Variants in ART1 observed in about 807,000 individuals in gnomAD.
ART1 encodes ADP-ribosyltransferase 1, also known as GPI-linked NAD(P)(+)--arginine ADP-ribosyltransferase 1.
In ART1, 29 loss-of-function variants were observed where a neutral mutation model predicts 27.0. The ratio of observed to expected loss-of-function variants is 1.08; its 90% CI spans 0.80 to 1.47. The LOEUF (loss-of-function observed/expected upper bound fraction) is 1.47, where lower values mean the gene tolerates loss of function less well. ART1 is among the 40% of genes most tolerant of loss of function. The probability of loss-of-function intolerance (pLI) is 0.00; values close to 1 mark genes in which losing one functional copy is unlikely to be tolerated. For missense variants in ART1, 480 were observed against 423.0 expected, an observed-to-expected ratio of 1.13 and a Z score of -1.18; for synonymous variants, 201 against 172.2, an observed-to-expected ratio of 1.17 and a Z score of -1.31.
At position 3,659,668 on chromosome 11, in the gene ART1, A is replaced by G. The variant is rs1380594668; in HGVS notation, c.149A>G (p.Tyr50Cys). Residue 50 changes from tyrosine to cysteine, a missense_variant, in exon 3 of 5, where the codon TAC becomes TGC. Transcript: ENST00000250693. Reference sequence around the variant, plus strand: ...GCCCTGGCCTCCTTTGATGACCAGTACGCTGGCTGTGCTGCTGCCATGACA... The same window carrying G: ...GCCCTGGCCTCCTTTGATGACCAGTGCGCTGGCTGTGCTGCTGCCATGACA... ...DMALASFDDQ[Y>C]AGCAAAMTAA... 1 of 1,613,836 alleles carries G rather than the reference A, an allele frequency of 6.2e-7. No homozygotes were observed. Among genetic ancestry groups the G allele is most frequent in the East Asian group, 2.2e-5 (1 of 44,896 alleles).
intron 1 of ART1, among the ~76,000 whole-genome samples, chr11:3,648,360 G>C (rs2077487087): frequency 6.6e-6 from 1 of 152,130 alleles, no homozygotes; most frequent in South Asian, 2.1e-4. Flanking sequence ...TCAATCCCCT[G>C]TCCTCCTGCT....
At chr11:3,658,542 C>T (rs117590894) in intron 1 of ART1, among the ~76,000 whole-genome samples, 1 of 151,994 alleles carries the variant, frequency 6.6e-6, no homozygotes, top group South Asian at 2.1e-4. Context: ...TCCCCTCTTC[C>T]CCCAGCACCC....
intron 1 of ART1, among the ~76,000 whole-genome samples, chr11:3,652,201 C>T (rs2077528791): frequency 6.6e-6 from 1 of 151,018 alleles, no homozygotes; most frequent in East Asian, 1.9e-4. Context: ...TAAAATACCT[C>T]TTAGTCTAGG....
chr11:3,648,272 C>A (rs945559669), intron 1 of ART1, among the ~76,000 whole-genome samples: 1 of 152,230 alleles, frequency 6.6e-6, no homozygotes, highest in Non-Finnish European at 1.5e-5. Flanking sequence ...TCACACAAAG[C>A]CTGTTTGGTG....
At chr11:3,659,450 T>A in intron 2 of ART1, 133 bp from the exon 3 acceptor site, 1 of 1,358,946 alleles carries the variant, frequency 7.4e-7, no homozygotes, top group East Asian at 2.4e-5. Context: ...AGCCAGAGGT[T>A]CCCAATCCCC....
At chr11:3,660,638 G>T (rs2077613620) in intron 3 of ART1, among the ~76,000 whole-genome samples, 1 of 152,234 alleles carries the variant, frequency 6.6e-6, no homozygotes, top group Non-Finnish European at 1.5e-5. Context: ...CTGGCCATTT[G>T]AGTGGGCAAG....
Position 3,659,162 on chromosome 11 carries a change from A to T in ART1, c.-52A>T. 1 of 1,571,028 alleles carries T rather than the reference A, an allele frequency of 6.4e-7. No individual in the cohort carries two copies. The highest frequency in any genetic ancestry group is 8.8e-7 in the Non-Finnish European group (1 of 1,141,870). On this transcript the variant is annotated splice_region_variant and 5_prime_UTR_variant, in exon 2 of 5. An upstream start codon of the reference 5' UTR is lost. Transcript: ENST00000250693. ...ACAGATTAACACTGCAATTTTCCAG[A>T]TGAGGAAACTGAGACCCAAAAAGAG...
intron 1 of ART1, among the ~76,000 whole-genome samples, chr11:3,647,748 G>A (rs937639766): frequency 8.5e-5 from 13 of 152,080 alleles, no homozygotes; most frequent in Non-Finnish European, 1.8e-4. Flanking sequence ...ATGGTAACAT[G>A]AGTGTATACT....
In ART1 at chr11:3,652,874, G is replaced by A. The variant is rs1024257757; in HGVS notation, c.-52-6288G>A. On this transcript the variant is annotated intron_variant, in intron 1 of 4. Coordinates refer to ENST00000250693, the MANE Select transcript of ART1 (RefSeq NM_004314.3). ...GGCAGGACTATGTTGAATCTCCTTA[G>A]GCACTCTCTAATCAGATGTCCTAGG... is the stretch of plus-strand genomic sequence containing the variant. 3.3e-5 allele frequency among the ~76,000 whole-genome samples: 5 copies of A among 150,088 alleles called. 1 individual carries two copies. Among genetic ancestry groups the A allele is most frequent in the Non-Finnish European group, 1.5e-5 (1 of 67,972 alleles).
At chr11:3,655,150 G>A (rs1172923277) in intron 1 of ART1, among the ~76,000 whole-genome samples, 2 of 152,146 alleles carry the variant, frequency 1.3e-5, no homozygotes, top group Non-Finnish European at 2.9e-5. Flanking sequence ...GCTCTGGGCT[G>A]GGCTCAGGTC....
intron 4 of ART1, among the ~76,000 whole-genome samples, chr11:3,663,032 C>T (rs1312965413): frequency 1.0e-5 from 1 of 99,600 alleles, no homozygotes; most frequent in African/African-American, 4.3e-5. Flanking sequence ...CATCTCATCT[C>T]ATCATCTCAT....
intron 4 of ART1, among the ~76,000 whole-genome samples, chr11:3,661,836 T>TA (rs560645476): frequency 2.5e-3 from 387 of 151,960 alleles, no homozygotes; most frequent in Non-Finnish European, 4.2e-3. Flanking sequence ...GCATTAATAA[T>TA]AAAAAAAAGT....
chr11:3,658,029 A>G (rs2077587347), intron 1 of ART1, among the ~76,000 whole-genome samples: 1 of 152,006 alleles, frequency 6.6e-6, no homozygotes, highest in African/African-American at 2.4e-5. Context: ...GTTTCCTTTC[A>G]GTTCTTAAAA....
chr11:3,658,796 C>T (rs1466790511), intron 1 of ART1, among the ~76,000 whole-genome samples: 3 of 152,212 alleles, frequency 2.0e-5, no homozygotes, highest in Non-Finnish European at 2.9e-5. Flanking sequence ...ATCTTCCCAA[C>T]GTTCCTACCC....
At chr11:3,647,273 G>T (rs4910885) in intron 1 of ART1, among the ~76,000 whole-genome samples, 99,557 of 150,010 alleles carry the variant, frequency 0.66, 34,642 homozygotes, top group Admixed American at 0.8. Flanking sequence ...AGTGAGTCGA[G>T]ATTGCACCAT....
intron 4 of ART1, among the ~76,000 whole-genome samples, chr11:3,662,006 G>A (rs2077625141): frequency 6.6e-6 from 1 of 152,162 alleles, no homozygotes; most frequent in South Asian, 2.1e-4. Flanking sequence ...AGAGATTCAG[G>A]CTGCACTGAG....
In ART1 at chr11:3,659,717, C is replaced by T. The variant is rs774822641; in HGVS notation, c.198C>T (p.His66=). 3.1e-5 allele frequency: 50 copies of T among 1,613,924 alleles called. No individual in the cohort carries two copies. The highest frequency in any genetic ancestry group is 1.0e-4 in the Admixed American group (6 of 59,990). The change falls in exon 3 of 5, where the codon CAC becomes CAT. Residue 66 remains histidine, a synonymous_variant. Transcript: ENST00000250693. The part of the protein sequence containing the change: ...AMTAALPDLN[H]TEFQANQVYA... ...CAGCTGCTCTCCCGGATCTCAACCACACGGAGTTCCAGGCCAACCAGGTGT... is the reference window on the plus strand; with the variant it reads ...CAGCTGCTCTCCCGGATCTCAACCATACGGAGTTCCAGGCCAACCAGGTGT...
At chr11:3,657,570 G>A (rs993620151) in intron 1 of ART1, among the ~76,000 whole-genome samples, 3 of 152,172 alleles carry the variant, frequency 2.0e-5, no homozygotes, top group African/African-American at 4.8e-5. Context: ...GCAAGACCCT[G>A]CCTCAAACAA....
chr11:3,647,464 C>G (rs1366731179), intron 1 of ART1, among the ~76,000 whole-genome samples: 1 of 151,952 alleles, frequency 6.6e-6, no homozygotes, highest in Non-Finnish European at 1.5e-5. Flanking sequence ...GGCAAAACCC[C>G]TTCTCAACTA....
Sources: gnomAD v4.1 joint callset for allele counts (sites outside exome capture counted in the v4.1 genomes callset) on GRCh38, gnomAD v4.1.1 for gene constraint, MANE v1.5 for transcripts, NCBI Gene and HGNC (gene_info 2026-07-23, HGNC 2026-07-21) for gene names.